The following ST8SIA6 variants were observed in gnomAD, a reference collection of about 807,000 sequenced individuals.
ST8SIA6 encodes the protein alpha-2,8-sialyltransferase 8F.
A neutral mutation model predicts 33.6 loss-of-function variants in ST8SIA6; 39 were observed. The ratio of observed to expected loss-of-function variants is 1.16; its 90% confidence interval spans 0.90 to 1.52. ST8SIA6 has a LOEUF of 1.52. Ranked by LOEUF, ST8SIA6 falls within the 40% of genes most tolerant of loss-of-function variation. The pLI, the probability that ST8SIA6 is intolerant of heterozygous loss-of-function variation, is 0.00. For missense variants in ST8SIA6, 441 were observed against 443.8 expected (o/e 0.99, Z 0.06); for synonymous variants, 172 against 167.2 (o/e 1.03, Z -0.22).
At chr10:17,331,258 T>C (rs912342469) in intron 5 of ST8SIA6, 150 bp downstream of exon 5, 5 of 889,490 alleles carry the variant, frequency 5.6e-6, no homozygotes, top group Non-Finnish European at 8.0e-6. Flanking sequence ...AAAATGGCCC[T>C]TTTAAAAAAT....
At position 17,367,731 on chromosome 10, in the gene ST8SIA6, C is replaced by A. The variant is rs17140887; in HGVS notation, c.291-8131G>T. ...GAGATGAAAGTGACAATTTAGTGAT[C>A]TTATACCATCAGTTTTTACAAGTAA... On this transcript the variant is annotated intron_variant, in intron 3 of 7. Coordinates refer to ENST00000377602, the MANE Select transcript of ST8SIA6 (RefSeq NM_001004470.3). Among the ~76,000 whole-genome samples the A allele has an allele frequency of 2.5e-3, 384 of 152,242 alleles. 2 individuals carry two copies. The highest frequency in any genetic ancestry group is 8.9e-3 in the African/African-American group (370 of 41,536).
intron 6 of ST8SIA6, 110 bp downstream of exon 6, chr10:17,326,904 T>C (rs1848148188): frequency 4.1e-6 from 3 of 733,522 alleles, no homozygotes; most frequent in South Asian, 3.0e-5. Context: ...TTGTAGACTT[T>C]TGTAACAGAG....
At chr10:17,400,950 A>G (rs534374003) in intron 2 of ST8SIA6, among the ~76,000 whole-genome samples, 36 of 152,296 alleles carry the variant, frequency 2.4e-4, no homozygotes, top group African/African-American at 7.7e-4. Context: ...CAGGAGAAAG[A>G]AATAAAGGGT....
chr10:17,397,729 T>C (rs1463333711), intron 2 of ST8SIA6, among the ~76,000 whole-genome samples: 1 of 152,204 alleles, frequency 6.6e-6, no homozygotes, highest in Non-Finnish European at 1.5e-5. Context: ...TTATGGCTTC[T>C]GGCTGCTTTT....
chr10:17,432,342 T>C (rs1299918481), intron 2 of ST8SIA6, among the ~76,000 whole-genome samples: 3 of 152,094 alleles, frequency 2.0e-5, no homozygotes, highest in South Asian at 2.1e-4. Context: ...GTTTTGAGAA[T>C]AGATTCTGGA....
chr10:17,322,229 AG>A (rs879501967), intron 7 of ST8SIA6, among the ~76,000 whole-genome samples: 1,945 of 134,446 alleles, frequency 0.014, 46 homozygotes, highest in African/African-American at 0.052. Context: ...AAAGAAAGAA[AG>A]AAAAAGAAAG....
chr10:17,331,235 C>A (rs1452783322), intron 5 of ST8SIA6, among the ~76,000 whole-genome samples, 173 bp downstream of exon 5: 1 of 152,164 alleles, frequency 6.6e-6, no homozygotes, highest in African/African-American at 2.4e-5. Flanking sequence ...CCCTACAGAG[C>A]CACACTGCAT....
At chr10:17,417,268 C>G (rs1851634456) in intron 2 of ST8SIA6, among the ~76,000 whole-genome samples, 1 of 152,082 alleles carries the variant, frequency 6.6e-6, no homozygotes, top group African/African-American at 2.4e-5. Context: ...CCCCATGACC[C>G]AAACACCTCT....
intron 4 of ST8SIA6, among the ~76,000 whole-genome samples, chr10:17,350,476 T>TCC (rs1285764982): frequency 1.3e-5 from 2 of 152,002 alleles, no homozygotes; most frequent in Non-Finnish European, 2.9e-5. Context: ...ATCGTTTGAG[T>TCC]CCAGGAGTTC....
chr10:17,451,372 T>TA (rs1484357326), intron 2 of ST8SIA6, among the ~76,000 whole-genome samples: 1 of 152,122 alleles, frequency 6.6e-6, no homozygotes, highest in Non-Finnish European at 1.5e-5. Flanking sequence ...AATGTGTACA[T>TA]ATAGACACAG....
intron 2 of ST8SIA6, among the ~76,000 whole-genome samples, chr10:17,423,512 T>C (rs926472923): frequency 1.3e-5 from 2 of 152,212 alleles, no homozygotes; most frequent in African/African-American, 4.8e-5. Flanking sequence ...GCTCCAAATA[T>C]ACTTTTTAAT....
At chr10:17,417,100 T>C (rs947859003) in intron 2 of ST8SIA6, among the ~76,000 whole-genome samples, 9 of 152,102 alleles carry the variant, frequency 5.9e-5, no homozygotes, top group African/African-American at 1.9e-4. Flanking sequence ...TCAGGAAGCT[T>C]ATAATCATGG....
intron 2 of ST8SIA6, among the ~76,000 whole-genome samples, chr10:17,400,925 C>G (rs1468117708): frequency 1.3e-5 from 2 of 152,076 alleles, no homozygotes; most frequent in African/African-American, 2.4e-5. Flanking sequence ...GGAAGTTCTG[C>G]CCAGGGCAAT....
At chr10:17,371,404 G>C (rs1849727085) in intron 3 of ST8SIA6, among the ~76,000 whole-genome samples, 2 of 152,250 alleles carry the variant, frequency 1.3e-5, no homozygotes, top group South Asian at 4.2e-4. Context: ...CCGGATGGAT[G>C]AGGATGAAGA....
chr10:17,379,884 A>G (rs770573257), intron 3 of ST8SIA6, among the ~76,000 whole-genome samples: 8 of 152,150 alleles, frequency 5.3e-5, no homozygotes, highest in Non-Finnish European at 1.2e-4. Context: ...CTGGGTTCAC[A>G]TTTTGGTAAC....
At chr10:17,391,134 A>T (rs1028710873) in intron 2 of ST8SIA6, among the ~76,000 whole-genome samples, 1 of 152,200 alleles carries the variant, frequency 6.6e-6, no homozygotes, top group African/African-American at 2.4e-5. Context: ...CTGGGATTAC[A>T]GGCGTGAGCC....
At chr10:17,334,464 A>G (rs113272176) in intron 4 of ST8SIA6, among the ~76,000 whole-genome samples, 2,658 of 151,732 alleles carry the variant, frequency 0.018, 28 homozygotes, top group Non-Finnish European at 0.022. Flanking sequence ...GTGTGAACCC[A>G]GAAAGAGGAG....
chr10:17,399,183 G>C (rs1207202443), intron 2 of ST8SIA6: 1 of 152,158 alleles, frequency 6.6e-6, no homozygotes, highest in Admixed American at 6.5e-5. Flanking sequence ...TCCTTCACCT[G>C]ATATCTGTGC....
chr10:17,389,757 C>T (rs1301757947), intron 3 of ST8SIA6, among the ~76,000 whole-genome samples: 1 of 152,056 alleles, frequency 6.6e-6, no homozygotes, highest in Non-Finnish European at 1.5e-5. Context: ...GAATACATAT[C>T]ATGTTCTCAA....
Sources: allele counts gnomAD v4.1 joint callset (sites outside exome capture counted in the v4.1 genomes callset), GRCh38; gene constraint gnomAD v4.1.1; transcripts MANE v1.5; gene names NCBI Gene and HGNC (gene_info 2026-07-23, HGNC 2026-07-21).